RALGAPA2: variants seen among roughly 807,000 people sequenced by gnomAD.
The protein encoded by RALGAPA2 is Ral GTPase activating protein catalytic subunit alpha 2, also known as ral GTPase-activating protein subunit alpha-2.
Under a neutral mutation model 230.4 loss-of-function variants are expected in RALGAPA2, and 139 were observed. The observed-to-expected ratio is 0.60, with a 90% CI of 0.53 to 0.69. The LOEUF is 0.69. RALGAPA2 is among the 30% of genes least tolerant of loss of function. The pLI is 0.00. For missense variants in RALGAPA2, 2,163 were observed against 2,276.0 expected (o/e 0.95, Z 1.01); for synonymous variants, 847 against 837.8 (o/e 1.01, Z -0.19).
intron 1 of RALGAPA2, among the ~76,000 whole-genome samples, chr20:20,707,896 A>G (rs573810039): frequency 1.3e-5 from 2 of 152,056 alleles, no homozygotes; most frequent in Non-Finnish European, 2.9e-5. Context: ...CATCACTGTC[A>G]TGTTACTTCT....
chr20:20,616,020 T>G (rs555215683), intron 13 of RALGAPA2, 23 bp downstream of exon 13: 1 of 1,415,682 alleles, frequency 7.1e-7, no homozygotes, highest in Non-Finnish European at 9.4e-7. Context: ...TTTACAATAC[T>G]AATTAATTTG....
At chr20:20,450,164 G>A (rs1315278321) in intron 37 of RALGAPA2, among the ~76,000 whole-genome samples, 1 of 152,210 alleles carries the variant, frequency 6.6e-6, no homozygotes, top group Non-Finnish European at 1.5e-5. Context: ...AAAAATCACT[G>A]TGATGGAACT....
intron 20 of RALGAPA2, among the ~76,000 whole-genome samples, chr20:20,579,458 C>T (rs145062188): frequency 6.6e-6 from 1 of 152,198 alleles, no homozygotes; most frequent in East Asian, 1.9e-4. Context: ...TCTCACCAAA[C>T]CTTACTTTAA....
chr20:20,564,252 C>T (rs2064344842), intron 23 of RALGAPA2, among the ~76,000 whole-genome samples: 2 of 152,222 alleles, frequency 1.3e-5, no homozygotes, highest in Admixed American at 6.5e-5. Context: ...TTCCTGAACA[C>T]AGCCTGAAAA....
At chr20:20,589,132 A>G in intron 18 of RALGAPA2, 136 bp downstream of exon 18, 2 of 1,204,298 alleles carry the variant, frequency 1.7e-6, no homozygotes, top group Admixed American at 6.7e-5. Flanking sequence ...AAAAGATCTC[A>G]ACATCATTTG....
rs994919137 is a variant in RALGAPA2, at chr20:20,502,326, T to C, written c.5208+1025A>G. 4.6e-5 allele frequency among the ~76,000 whole-genome samples: 7 copies of C among 152,210 alleles called. No homozygotes were observed. The East Asian group carries it at 9.7e-4, about 21-fold the overall frequency. On this transcript the variant is annotated intron_variant, in intron 35 of 39. Coordinates refer to ENST00000202677, the MANE Select transcript of RALGAPA2 (RefSeq NM_020343.4). ...AGGTACAGTGAGGCCAATCGGCCAA[T>C]ATAAAGCATCTGGCTAACGGGGCAG...
chr20:20,656,585 G>T (rs1603210085), intron 3 of RALGAPA2, among the ~76,000 whole-genome samples: 1 of 152,208 alleles, frequency 6.6e-6, no homozygotes, highest in East Asian at 1.9e-4. Flanking sequence ...ATTTTAGATG[G>T]ATAACACAAA....
At chr20:20,635,830 A>T (rs538341282) in intron 8 of RALGAPA2, among the ~76,000 whole-genome samples, 1 of 152,260 alleles carries the variant, frequency 6.6e-6, no homozygotes, top group East Asian at 1.9e-4. Context: ...GATGATGGTG[A>T]TTGTTTATGT....
intron 38 of RALGAPA2, among the ~76,000 whole-genome samples, chr20:20,407,951 T>C (rs980971013): frequency 6.6e-6 from 1 of 152,158 alleles, no homozygotes; most frequent in East Asian, 1.9e-4. Flanking sequence ...AGTGAGGAAT[T>C]TTCTCCCACT....
intron 23 of RALGAPA2, among the ~76,000 whole-genome samples, chr20:20,567,889 AT>A (rs2064492660): frequency 6.9e-6 from 1 of 145,474 alleles, no homozygotes; most frequent in Admixed American, 6.7e-5. Context: ...ATAAAATAAA[AT>A]AAAATAAAAT....
intron 24 of RALGAPA2, among the ~76,000 whole-genome samples, chr20:20,545,959 A>C (rs2063763664): frequency 6.6e-6 from 1 of 152,156 alleles, no homozygotes; most frequent in Non-Finnish European, 1.5e-5. Flanking sequence ...CTAACTACTC[A>C]GGAGGCTGAG....
intron 38 of RALGAPA2, among the ~76,000 whole-genome samples, chr20:20,397,771 A>G (rs184330515): frequency 1.8e-4 from 27 of 152,336 alleles, no homozygotes; most frequent in African/African-American, 6.3e-4. Flanking sequence ...AGGCTCCATG[A>G]AAGAAACGTG....
intron 36 of RALGAPA2, 116 bp downstream of exon 36, chr20:20,495,001 C>T (rs1320740104): frequency 5.4e-6 from 5 of 922,050 alleles, no homozygotes; most frequent in African/African-American, 3.3e-5. Flanking sequence ...ATATGTAAGA[C>T]ATTCAACAAC....
At chr20:20,468,892 C>G (rs1423167332) in intron 37 of RALGAPA2, among the ~76,000 whole-genome samples, 1 of 152,124 alleles carries the variant, frequency 6.6e-6, no homozygotes. Context: ...CCCCTGCTCT[C>G]TCTCAGAACC....
intron 37 of RALGAPA2, among the ~76,000 whole-genome samples, chr20:20,464,879 T>C (rs1446959162): frequency 6.6e-6 from 1 of 152,094 alleles, no homozygotes; most frequent in Non-Finnish European, 1.5e-5. Flanking sequence ...TATTTTTGAG[T>C]TCCTACTATG....
chr20:20,665,433 C>T (rs539886452), intron 3 of RALGAPA2, among the ~76,000 whole-genome samples: 5 of 152,308 alleles, frequency 3.3e-5, no homozygotes, highest in Admixed American at 6.5e-5. Context: ...CAGACTTCCA[C>T]GAACATCTTA....
chr20:20,416,100 T>TA (rs1214791954), intron 37 of RALGAPA2, among the ~76,000 whole-genome samples: 2 of 152,206 alleles, frequency 1.3e-5, no homozygotes, highest in Non-Finnish European at 2.9e-5. Context: ...CTACTAAATG[T>TA]AAAATGGGGA....
In RALGAPA2 at chr20:20,393,064, C is replaced by A; in HGVS notation, c.*225G>T. 7.6e-7 allele frequency: 1 copy of A among 1,323,876 alleles called. No homozygotes were observed. Among genetic ancestry groups the A allele is most frequent in the Non-Finnish European group, 1.0e-6 (1 of 994,232 alleles). The allele number at this position is 1,323,876 out of a possible 1,614,324, so 82.0% of individuals were successfully genotyped here. On this transcript the variant is annotated 3_prime_UTR_variant, in exon 40 of 40. Transcript: ENST00000202677. ...CCTAGTTTGAGTCCCATCTGAGACACGGTAGTGGGATTCACCATGGGCTTC... is the reference window on the plus strand; with the variant it reads ...CCTAGTTTGAGTCCCATCTGAGACAAGGTAGTGGGATTCACCATGGGCTTC...
At chr20:20,468,984 T>C (rs1255591319) in intron 37 of RALGAPA2, among the ~76,000 whole-genome samples, 1 of 152,052 alleles carries the variant, frequency 6.6e-6, no homozygotes, top group Non-Finnish European at 1.5e-5. Flanking sequence ...TGTGTGTGTG[T>C]GTGTGTATTC....
Sources: allele counts gnomAD v4.1 joint callset (sites outside exome capture counted in the v4.1 genomes callset), GRCh38; gene constraint gnomAD v4.1.1; transcripts MANE v1.5; gene names NCBI Gene and HGNC (gene_info 2026-07-23, HGNC 2026-07-21).